Variants in MED13L observed in about 807,000 individuals in gnomAD.
The protein encoded by MED13L is mediator complex subunit 13L, also known as mediator of RNA polymerase II transcription subunit 13-like.
A neutral mutation model predicts 220.9 loss-of-function variants in MED13L; 7 were observed. The observed-to-expected ratio is 0.03, with a 90% CI of 0.02 to 0.06. The LOEUF is 0.06. MED13L is among the 10% of genes least tolerant of loss of function. MED13L has a pLI of 1.00. For missense variants in MED13L, 1,965 were observed against 2,760.5 expected (o/e 0.71, Z 6.46); for synonymous variants, 1,011 against 1,015.2 (o/e 1.00, Z 0.08).
In MED13L at chr12:116,249,508, A is replaced by G. The variant is rs181131422; in HGVS notation, c.73-11803T>C. ...AAAAATGGGACTCATGACTGTAAGAAAAGTCACTTAACAGAAACAGACCCA... is the reference window on the plus strand; with the variant it reads ...AAAAATGGGACTCATGACTGTAAGAGAAGTCACTTAACAGAAACAGACCCA... On this transcript the variant is annotated intron_variant, in intron 1 of 30. Coordinates refer to ENST00000281928, the MANE Select transcript of MED13L (RefSeq NM_015335.5). 2.6e-3 allele frequency among the ~76,000 whole-genome samples: 400 copies of G among 152,272 alleles called. 9 individuals are homozygous for G. Among genetic ancestry groups the G allele is most frequent in the Non-Finnish European group, 9.3e-4 (63 of 68,026 alleles).
chr12:116,048,537 G>T (rs1881973981), intron 4 of MED13L, among the ~76,000 whole-genome samples: 3 of 152,098 alleles, frequency 2.0e-5, no homozygotes, highest in Non-Finnish European at 1.5e-5. Flanking sequence ...AGAAACCAAA[G>T]AATACATTTT....
At chr12:115,969,253 G>T (rs984383078) in intron 27 of MED13L, among the ~76,000 whole-genome samples, 156 bp from the exon 28 acceptor site, 2 of 152,202 alleles carry the variant, frequency 1.3e-5, no homozygotes, top group African/African-American at 4.8e-5. Context: ...GACCTACTGA[G>T]TGCAAGCTAT....
At chr12:115,984,853 A>G (rs1472018584) in intron 19 of MED13L, among the ~76,000 whole-genome samples, 2 of 152,042 alleles carry the variant, frequency 1.3e-5, no homozygotes, top group African/African-American at 4.8e-5. Flanking sequence ...TGAAGCAGTG[A>G]GTATGCTGAT....
At chr12:116,100,628 C>T (rs1469231912) in intron 3 of MED13L, among the ~76,000 whole-genome samples, 1 of 146,520 alleles carries the variant, frequency 6.8e-6, no homozygotes, top group African/African-American at 2.5e-5. Context: ...AAAAATTAAT[C>T]AGCCAGGCAT....
intron 2 of MED13L, among the ~76,000 whole-genome samples, chr12:116,113,245 G>A (rs1367821671): frequency 2.0e-5 from 3 of 152,082 alleles, no homozygotes; most frequent in Admixed American, 1.3e-4. Flanking sequence ...CAGCACTTGT[G>A]AAGAGTGTGC....
chr12:115,970,805 G>C (rs922150463), intron 26 of MED13L, 35 bp from the exon 27 acceptor site: 1 of 1,594,140 alleles, frequency 6.3e-7, no homozygotes, highest in Non-Finnish European at 8.6e-7. Context: ...ATCAATCAAT[G>C]AACAACCCCA....
intron 4 of MED13L, among the ~76,000 whole-genome samples, chr12:116,076,718 G>T (rs1395842583): frequency 1.3e-5 from 2 of 152,164 alleles, no homozygotes; most frequent in East Asian, 3.9e-4. Flanking sequence ...TGTTTTTGAG[G>T]GTTTTTTAAA....
chr12:116,099,895 A>C (rs1208051852), intron 3 of MED13L, among the ~76,000 whole-genome samples: 4 of 152,222 alleles, frequency 2.6e-5, no homozygotes, highest in South Asian at 4.1e-4. Flanking sequence ...AAAGGTTGTT[A>C]CACACAAAAC....
At chr12:116,036,003 A>G (rs1339921781) in intron 4 of MED13L, among the ~76,000 whole-genome samples, 1 of 152,182 alleles carries the variant, frequency 6.6e-6, no homozygotes, top group Non-Finnish European at 1.5e-5. Flanking sequence ...AGGGCTTGTC[A>G]TAATTTACAA....
At chr12:116,128,450 A>AG (rs1315590459) in intron 2 of MED13L, among the ~76,000 whole-genome samples, 1 of 152,056 alleles carries the variant, frequency 6.6e-6, no homozygotes, top group East Asian at 1.9e-4. Flanking sequence ...TTGAGGAAAA[A>AG]AAAAAACAAG....
intron 4 of MED13L, among the ~76,000 whole-genome samples, chr12:116,031,709 A>AG (rs200153892): frequency 0.2 from 11,189 of 55,970 alleles, 1,836 homozygotes; most frequent in Non-Finnish European, 0.26. Context: ...AGAAAAGAAA[A>AG]GAAAAGAAAA....
chr12:116,277,312 G>A lies in MED13L; in HGVS notation c.-181C>T, dbSNP rs917791498. The A allele has an allele frequency of 2.0e-5, 3 of 147,794 alleles. No homozygotes were observed. The highest frequency in any genetic ancestry group is 3.0e-5 in the Non-Finnish European group (2 of 66,586). The allele number at this position is 147,794 out of a possible 1,614,324, so 9.2% of individuals were successfully genotyped here. On this transcript the variant is annotated 5_prime_UTR_variant, in exon 1 of 31. Transcript: ENST00000281928. ...GGCGCCGCGGCGACGCCGCGCCGGG[G>A]GCAGCGGGCCCGGGCTGGCGGGGGG...
chr12:116,277,586 C>A lies in MED13L; in HGVS notation c.-455G>T, dbSNP rs919772933. Among the ~76,000 whole-genome samples, 3 of 149,640 alleles carry A rather than the reference C, an allele frequency of 2.0e-5. No individual in the cohort carries two copies. Among genetic ancestry groups the A allele is most frequent in the Admixed American group, 1.3e-4 (2 of 15,092 alleles). Reference sequence around the variant, plus strand: ...TGCGGACGAAGCCAGCGGGCGACCCCGGCAGCCGAGCGACGTCCCCTCCTT... The same window carrying A: ...TGCGGACGAAGCCAGCGGGCGACCCAGGCAGCCGAGCGACGTCCCCTCCTT... On this transcript the variant is annotated 5_prime_UTR_variant, in exon 1 of 31. Transcript: ENST00000281928.
intron 2 of MED13L, among the ~76,000 whole-genome samples, chr12:116,173,004 A>G (rs1307043818): frequency 6.6e-6 from 1 of 151,822 alleles, no homozygotes. Context: ...CCAGGAGCTA[A>G]GATGTGTCAC....
chr12:116,211,291 T>C (rs1257554708), intron 2 of MED13L, among the ~76,000 whole-genome samples: 1 of 152,160 alleles, frequency 6.6e-6, no homozygotes, highest in African/African-American at 2.4e-5. Context: ...ACACCAGGGA[T>C]CTGAATTTTT....
At chr12:116,053,852 T>G (rs1215512401) in intron 4 of MED13L, among the ~76,000 whole-genome samples, 1 of 152,168 alleles carries the variant, frequency 6.6e-6, no homozygotes, top group African/African-American at 2.4e-5. Flanking sequence ...TTTTTACCTC[T>G]ATAAAGCTCA....
intron 4 of MED13L, among the ~76,000 whole-genome samples, chr12:116,088,911 T>C (rs1478325978): frequency 1.3e-5 from 2 of 151,892 alleles, no homozygotes; most frequent in South Asian, 2.1e-4. Context: ...ATTCAACATA[T>C]GAAAAAACAA....
At chr12:116,092,957 C>T (rs188976211) in intron 4 of MED13L, among the ~76,000 whole-genome samples, 2 of 152,250 alleles carry the variant, frequency 1.3e-5, no homozygotes, top group Admixed American at 1.3e-4. Flanking sequence ...CTTCTGTATA[C>T]CTGATACCAG....
At chr12:116,209,416 T>A (rs1041614701) in intron 2 of MED13L, among the ~76,000 whole-genome samples, 1 of 152,192 alleles carries the variant, frequency 6.6e-6, no homozygotes, top group African/African-American at 2.4e-5. Context: ...AAATCACATG[T>A]GCTAGAACAT....
Sources: allele counts gnomAD v4.1 joint callset (sites outside exome capture counted in the v4.1 genomes callset), GRCh38; gene constraint gnomAD v4.1.1; transcripts MANE v1.5; gene names NCBI Gene and HGNC (gene_info 2026-07-23, HGNC 2026-07-21).